Variants in PCDH15 observed in about 807,000 individuals in gnomAD.
The protein encoded by PCDH15 is protocadherin related 15.
A neutral mutation model predicts 178.5 loss-of-function variants in PCDH15; 129 were observed. The observed-to-expected ratio is 0.72, with a 90% confidence interval of 0.63 to 0.84. The LOEUF (loss-of-function observed/expected upper bound fraction) is 0.84. Among genes scored for constraint, PCDH15 ranks in the 40% least tolerant of loss-of-function variants. The pLI is 0.00. For missense variants in PCDH15, 2,230 were observed against 2,099.9 expected (o/e 1.06, Z -1.21); for synonymous variants, 800 against 732.0 (o/e 1.09, Z -1.50).
rs572288715 is a variant in PCDH15, at chr10:54,295,915, C to T, written c.876+21356G>A. Among the ~76,000 whole-genome samples the T allele has an allele frequency of 1.7e-3, 259 of 151,060 alleles. 3 individuals are homozygous for T. Among genetic ancestry groups the T allele is most frequent in the Middle Eastern group, 0.01 (3 of 294 alleles). ...ATCCCAGCACTTTGGGAGGCCGAGG[C>T]GGGCGGATCACGAGGTCAGGAGATC... On this transcript the variant is annotated intron_variant, in intron 8 of 37. Transcript: ENST00000644397.
intron 1 of PCDH15, among the ~76,000 whole-genome samples, chr10:55,169,323 CAATT>C (rs1235351470): frequency 6.6e-6 from 1 of 152,066 alleles, no homozygotes; most frequent in Non-Finnish European, 1.5e-5. Context: ...TTTTATCTGT[CAATT>C]AAAAAATCAA....
At chr10:54,310,275 T>C (rs1378205791) in intron 8 of PCDH15, among the ~76,000 whole-genome samples, 1 of 152,040 alleles carries the variant, frequency 6.6e-6, no homozygotes, top group Non-Finnish European at 1.5e-5. Context: ...CAGCATTGTA[T>C]TGAAAAACAA....
At chr10:54,655,790 C>T (rs1590868090) in intron 2 of PCDH15, 1 of 152,062 alleles carries the variant, frequency 6.6e-6, no homozygotes, top group East Asian at 1.9e-4. Flanking sequence ...GATTACTCAC[C>T]TTCAGGAAAA....
chr10:55,102,426 G>GT (rs1353862854), intron 2 of PCDH15, among the ~76,000 whole-genome samples: 1 of 151,944 alleles, frequency 6.6e-6, no homozygotes, highest in African/African-American at 2.4e-5. Context: ...TATATACTCT[G>GT]TTTTTTTAAT....
At position 55,598,682 on chromosome 10, in the gene PCDH15, G is replaced by A. The variant is rs142888034; in HGVS notation, c.-156+28943C>T. 2.4e-3 allele frequency among the ~76,000 whole-genome samples: 362 copies of A among 151,316 alleles called. 2 individuals are homozygous for A. The highest frequency in any genetic ancestry group is 6.8e-3 in the Middle Eastern group (2 of 294). ...TAACCTTCATGAAATCTAAATGTTC[G>A]AAGAGGATTTAGTAGTAAATCAAGA... On this transcript the variant is annotated intron_variant, in intron 2 of 5. Transcript: ENST00000613346.
At chr10:54,770,383 C>T (rs1439891517) in intron 1 of PCDH15, among the ~76,000 whole-genome samples, 1 of 152,140 alleles carries the variant, frequency 6.6e-6, no homozygotes, top group Non-Finnish European at 1.5e-5. Context: ...CATTACTACT[C>T]ATTCCTAAAC....
intron 2 of PCDH15, among the ~76,000 whole-genome samples, chr10:55,582,622 A>ATTTTT (rs1266708993): frequency 1.8e-3 from 132 of 74,182 alleles, no homozygotes; most frequent in South Asian, 8.0e-3. Flanking sequence ...ATATATATAT[A>ATTTTT]TATATATTTT....
At chr10:54,691,856 A>G (rs562912688) in intron 1 of PCDH15, among the ~76,000 whole-genome samples, 12 of 152,236 alleles carry the variant, frequency 7.9e-5, no homozygotes, top group African/African-American at 9.6e-5. Flanking sequence ...TACTGACTTT[A>G]CAATCTTTTA....
At chr10:54,892,629 A>C (rs1169601618) in intron 3 of PCDH15, among the ~76,000 whole-genome samples, 1 of 151,842 alleles carries the variant, frequency 6.6e-6, no homozygotes, top group Non-Finnish European at 1.5e-5. Context: ...AATTAAACAA[A>C]CAACATTGAG....
intron 2 of PCDH15, among the ~76,000 whole-genome samples, chr10:54,539,229 G>A (rs1157309295): frequency 1.3e-5 from 2 of 152,142 alleles, no homozygotes; most frequent in Non-Finnish European, 2.9e-5. Context: ...GTATCTTCAA[G>A]AGACGCTTCT....
At chr10:55,588,256 G>T (rs1443844335) in intron 2 of PCDH15, among the ~76,000 whole-genome samples, 1 of 152,092 alleles carries the variant, frequency 6.6e-6, no homozygotes, top group Non-Finnish European at 1.5e-5. Flanking sequence ...AAAATAAGTT[G>T]CTGGCAGCTA....
At chr10:55,015,868 G>A (rs891141022) in intron 2 of PCDH15, among the ~76,000 whole-genome samples, 2 of 151,950 alleles carry the variant, frequency 1.3e-5, no homozygotes, top group Non-Finnish European at 2.9e-5. Context: ...TTTGTGTTTT[G>A]GAATTTTTCA....
chr10:54,433,618 C>T (rs554153065), intron 3 of PCDH15, among the ~76,000 whole-genome samples: 31 of 152,042 alleles, frequency 2.0e-4, no homozygotes, highest in South Asian at 1.5e-3. Flanking sequence ...AGCAACAAAA[C>T]CTAGTATTTG....
At chr10:55,423,049 C>A (rs932579229) in intron 2 of PCDH15, among the ~76,000 whole-genome samples, 2 of 151,772 alleles carry the variant, frequency 1.3e-5, no homozygotes, top group African/African-American at 4.8e-5. Context: ...TATCATGTAT[C>A]TTATTTATAC....
chr10:54,677,543 G>C (rs2094813608), intron 1 of PCDH15, among the ~76,000 whole-genome samples: 1 of 151,958 alleles, frequency 6.6e-6, no homozygotes, highest in African/African-American at 2.4e-5. Context: ...TTCAGGAAGG[G>C]ATCATAAATG....
chr10:55,136,848 G>A (rs1231882094), intron 2 of PCDH15, among the ~76,000 whole-genome samples: 1 of 152,094 alleles, frequency 6.6e-6, no homozygotes, highest in South Asian at 2.1e-4. Flanking sequence ...ACAATTAGGT[G>A]TTTAATAAGA....
intron 2 of PCDH15, among the ~76,000 whole-genome samples, chr10:55,341,757 A>C (rs1488301196): frequency 1.1e-5 from 1 of 88,386 alleles, no homozygotes; most frequent in African/African-American, 4.7e-5. Context: ...ATATACATAC[A>C]TATGCATATA....
chr10:54,921,327 T>G, intron 2 of PCDH15, among the ~76,000 whole-genome samples: 1 of 151,984 alleles, frequency 6.6e-6, no homozygotes, highest in Non-Finnish European at 1.5e-5. Context: ...TTATTTATTT[T>G]TTTTTACTTT....
intron 3 of PCDH15, among the ~76,000 whole-genome samples, chr10:54,822,633 T>A (rs1953064779): frequency 6.6e-6 from 1 of 152,230 alleles, no homozygotes; most frequent in Admixed American, 6.6e-5. Flanking sequence ...CTGATTTCCT[T>A]TCTTTGGATA....
Sources: allele counts gnomAD v4.1 joint callset (sites outside exome capture counted in the v4.1 genomes callset), GRCh38; gene constraint gnomAD v4.1.1; transcripts MANE v1.5; gene names NCBI Gene and HGNC (gene_info 2026-07-23, HGNC 2026-07-21).